Variants in NOSTRIN observed in about 807,000 individuals in gnomAD.
NOSTRIN encodes nitric oxide synthase trafficking, also known as BM247 homolog.
A neutral mutation model predicts 59.0 loss-of-function variants in NOSTRIN; 63 were observed. The observed-to-expected ratio is 1.07, with a 90% CI of 0.87 to 1.32. The LOEUF (loss-of-function observed/expected upper bound fraction) is 1.32. Among genes scored for constraint, NOSTRIN ranks in the 40% most tolerant of loss-of-function variants. NOSTRIN has a pLI of 0.00. For missense variants in NOSTRIN, 512 were observed against 473.1 expected (o/e 1.08, Z -0.76); for synonymous variants, 200 against 165.4 (o/e 1.21, Z -1.61).
At chr2:168,809,249 A>G (rs778826394) in intron 1 of NOSTRIN, among the ~76,000 whole-genome samples, 8 of 152,188 alleles carry the variant, frequency 5.3e-5, no homozygotes, top group Non-Finnish European at 1.0e-4. Context: ...TTAATGCATT[A>G]TGTCCAATCT....
chr2:168,850,016 G>A (rs963846003), intron 8 of NOSTRIN, among the ~76,000 whole-genome samples: 3 of 151,122 alleles, frequency 2.0e-5, no homozygotes, highest in Admixed American at 6.6e-5. Flanking sequence ...CCTGGGTTCA[G>A]GCAATTCTGC....
intron 7 of NOSTRIN, among the ~76,000 whole-genome samples, chr2:168,842,651 A>G (rs1688168424): frequency 6.6e-6 from 1 of 152,202 alleles, no homozygotes; most frequent in African/African-American, 2.4e-5. Context: ...TCATTGGCCA[A>G]TTGCAATCTT....
In NOSTRIN at chr2:168,860,877, G is replaced by C. The variant is rs1689403882; in HGVS notation, c.1262G>C (p.Gly421Ala). The C allele has an allele frequency of 1.2e-6, 2 of 1,613,990 alleles. No individual in the cohort carries two copies. Among genetic ancestry groups the C allele is most frequent in the Non-Finnish European group, 1.7e-6 (2 of 1,179,914 alleles). ...LENIVSKASS[G>A]GQSNPGSSTP... Reference sequence around the variant, plus strand: ...AATATTGTGAGCAAGGCATCTTCTGGTGGGCAGAGCAATCCAGGTTCTTCA... The same window carrying C: ...AATATTGTGAGCAAGGCATCTTCTGCTGGGCAGAGCAATCCAGGTTCTTCA... The change falls in exon 14 of 16, where the codon GGT (glycine) becomes GCT (alanine). Residue 421 changes from glycine to alanine, a missense_variant. Transcript: ENST00000317647.
intron 7 of NOSTRIN, among the ~76,000 whole-genome samples, chr2:168,842,072 T>C (rs891918608): frequency 6.6e-5 from 10 of 152,138 alleles, no homozygotes; most frequent in African/African-American, 2.4e-4. Context: ...GTCAGATAAT[T>C]TCTTTATGGA....
At chr2:168,827,660 T>C (rs1210782890) in intron 3 of NOSTRIN, among the ~76,000 whole-genome samples, 1 of 152,034 alleles carries the variant, frequency 6.6e-6, no homozygotes, top group East Asian at 1.9e-4. Flanking sequence ...TGTAGCTTCC[T>C]GGGCTCAAGC....
At chr2:168,850,902 T>C in intron 8 of NOSTRIN, 182 bp from the exon 9 acceptor site, 1 of 798,164 alleles carries the variant, frequency 1.3e-6, no homozygotes, top group Non-Finnish European at 2.1e-6. Context: ...TGTGAGTGAT[T>C]TAAGATACCA....
intron 1 of NOSTRIN, chr2:168,786,959 C>T (rs1685218988): frequency 1.3e-5 from 2 of 152,040 alleles, no homozygotes; most frequent in Admixed American, 1.3e-4. Context: ...GAATGCCTGA[C>T]CTCAAGTGAT....
chr2:168,836,880 C>G (rs960690606), intron 7 of NOSTRIN, among the ~76,000 whole-genome samples: 4 of 152,186 alleles, frequency 2.6e-5, no homozygotes, highest in East Asian at 1.9e-4. Context: ...TCCCCACCAG[C>G]CTTCTATAAC....
rs1339766962 is a variant in NOSTRIN at position 168,865,057 on chromosome 2, A to G, written c.*87A>G. ...AAGAATAAAGTGCTCTTACCTTTAC[A>G]TGTTTTTCTTTTGAAATGGATGGAG... On this transcript the variant is annotated 3_prime_UTR_variant, in exon 16 of 16. Transcript: ENST00000317647. 9 of 1,440,946 alleles carry G rather than the reference A, an allele frequency of 6.2e-6. No individual in the cohort carries two copies. The highest frequency in any genetic ancestry group is 7.6e-6 in the Non-Finnish European group (8 of 1,057,828). 89.3% of individuals were successfully genotyped at this position (1,440,946 alleles called of 1,614,324 possible).
Position 168,802,664 on chromosome 2 carries a change from A to C in NOSTRIN, c.18A>C (p.Thr6=), listed in dbSNP as rs762565095. 3.4e-6 allele frequency: 3 copies of C among 869,758 alleles called. No homozygotes were observed. Among genetic ancestry groups the C allele is most frequent in the Non-Finnish European group, 6.0e-6 (3 of 500,876 alleles). The allele number at this position is 869,758 out of a possible 1,614,324, so 53.9% of individuals were successfully genotyped here. ...ATTTCAACATGAGGGACCCACTGACAGATTGTCCGGTGAGTAGCTCAGTGT... is the reference window on the plus strand; with the variant it reads ...ATTTCAACATGAGGGACCCACTGACCGATTGTCCGGTGAGTAGCTCAGTGT... MRDPL[T]DCPYNKVYKN... is the part of the protein sequence containing the mutation. The change falls in exon 1 of 16, where the codon ACA becomes ACC. Residue 6 remains threonine, a synonymous_variant. Coordinates refer to ENST00000317647, the MANE Select transcript of NOSTRIN (RefSeq NM_001039724.4).
chr2:168,808,561 T>G (rs1338762151), intron 1 of NOSTRIN, among the ~76,000 whole-genome samples: 1 of 152,234 alleles, frequency 6.6e-6, no homozygotes, highest in Non-Finnish European at 1.5e-5. Context: ...TCTTTGTTTC[T>G]GCTTTGCTGT....
At chr2:168,838,415 T>G (rs527758680) in intron 7 of NOSTRIN, among the ~76,000 whole-genome samples, 1 of 152,306 alleles carries the variant, frequency 6.6e-6, no homozygotes, top group East Asian at 1.9e-4. Flanking sequence ...AATTTTTGTA[T>G]TTTTAGTAGA....
At chr2:168,800,601 G>A (rs7563765), upstream of NOSTRIN, among the ~76,000 whole-genome samples, 2,514 of 152,276 alleles carry the variant, frequency 0.017, 57 homozygotes, top group African/African-American at 0.057. Context: ...TTTGGGGATA[G>A]GAGTGCCCTA....
intron 13 of NOSTRIN, among the ~76,000 whole-genome samples, chr2:168,859,893 C>T (rs1319174323): frequency 1.3e-5 from 2 of 152,150 alleles, no homozygotes; most frequent in African/African-American, 4.8e-5. Flanking sequence ...TCTCATCATA[C>T]CTGAATTTCA....
chr2:168,856,005 T>C (rs911152703), intron 11 of NOSTRIN: 14 of 393,302 alleles, frequency 3.6e-5, no homozygotes, highest in African/African-American at 3.0e-4. Flanking sequence ...CGATAACTCA[T>C]TGCAATGGAA....
At chr2:168,799,471 G>T (rs1261592696), upstream of NOSTRIN, among the ~76,000 whole-genome samples, 2 of 152,136 alleles carry the variant, frequency 1.3e-5, no homozygotes, top group Admixed American at 1.3e-4. Context: ...GCTCACTGTG[G>T]TCTGCTCTAT....
At chr2:168,860,668 CT>C in intron 13 of NOSTRIN, 126 bp from the exon 14 acceptor site, 11 of 528,394 alleles carry the variant, frequency 2.1e-5, no homozygotes, top group Non-Finnish European at 3.5e-5. Flanking sequence ...AAGACTCTGT[CT>C]AAAAAAAAAA....
intron 2 of NOSTRIN, among the ~76,000 whole-genome samples, chr2:168,792,726 T>A (rs1442656280): frequency 6.6e-6 from 1 of 152,150 alleles, no homozygotes; most frequent in Non-Finnish European, 1.5e-5. Flanking sequence ...GTGATCCACC[T>A]GCCTCGGCCT....
chr2:168,831,483 A>C lies in NOSTRIN; in HGVS notation c.354A>C (p.Glu118Asp), dbSNP rs781328237. 1 of 865,928 alleles carries C rather than the reference A, an allele frequency of 1.2e-6. No individual in the cohort carries two copies. Among genetic ancestry groups the C allele is most frequent in the South Asian group, 1.3e-5 (1 of 76,088 alleles). 53.6% of individuals were successfully genotyped at this position (865,928 alleles called of 1,614,324 possible). Residue 118 changes from glutamate (E) to aspartate (D), a missense_variant, in exon 6 of 16, where the codon GAA becomes GAC. Physicochemically the swap from Glu to Asp is conservative, Grantham distance 45 (BLOSUM62 2). Coordinates refer to ENST00000317647, the MANE Select transcript of NOSTRIN (RefSeq NM_001039724.4). ...QEKKRKSLDNEVEKTANLVIS... is the reference protein window; with the variant it reads ...QEKKRKSLDNDVEKTANLVIS... The stretch of plus-strand genomic sequence containing the variant: ...TCCTTTTTCAATAGCTTGACAATGA[A>C]GTTGAAAAGACAGCAAATCTTGTCA...
Sources: gnomAD v4.1 joint callset for allele counts (sites outside exome capture counted in the v4.1 genomes callset) on GRCh38, gnomAD v4.1.1 for gene constraint, MANE v1.5 for transcripts, NCBI Gene and HGNC (gene_info 2026-07-23, HGNC 2026-07-21) for gene names.